The following CTNS variants were observed in gnomAD, a reference collection of about 807,000 sequenced individuals.
CTNS encodes the protein cystinosin.
In CTNS, 27 loss-of-function variants were observed where a neutral mutation model predicts 43.7. The observed-to-expected ratio is 0.62, with a 90% CI of 0.46 to 0.85. The LOEUF is 0.85. Ranked by LOEUF, CTNS falls within the 40% of genes least tolerant of loss-of-function variation. The pLI is 0.00. For synonymous variants in CTNS, 187 were observed against 190.6 expected, an observed-to-expected ratio of 0.98 and a Z score of 0.16; for missense variants, 457 against 475.4, an observed-to-expected ratio of 0.96 and a Z score of 0.36.
chr17:3,658,321 G>T, intron 10 of CTNS, 146 bp downstream of exon 10: 1 of 1,135,804 alleles, frequency 8.8e-7, no homozygotes, highest in Admixed American at 2.0e-5. Flanking sequence ...GCGGGAGCGG[G>T]GCGGTGGGGA....
Position 3,647,485 on chromosome 17 carries a change from G to A in CTNS, c.103G>A (p.Glu35Lys). The A allele has an allele frequency of 6.2e-7, 1 of 1,614,182 alleles. No individual in the cohort carries two copies. Among genetic ancestry groups the A allele is most frequent in the South Asian group, 1.1e-5 (1 of 91,086 alleles). Residue 35 changes from glutamate (E) to lysine (K), a missense_variant, in exon 4 of 12, where the codon GAG (glutamate) becomes AAG (lysine). Glu to Lys is a moderately conservative substitution (Grantham distance 56). Coordinates refer to ENST00000046640, the MANE Select transcript of CTNS (RefSeq NM_004937.3). Reference protein sequence around the residue: ...SLTVPPVVKLENGSSTNVSLT... With the variant: ...SLTVPPVVKLKNGSSTNVSLT... ...CACTGTTCCTCCTGTCGTAAAGCTGGAGAACGGCAGCTCGACCAACGTCAG... is the reference window on the plus strand; with the variant it reads ...CACTGTTCCTCCTGTCGTAAAGCTGAAGAACGGCAGCTCGACCAACGTCAG...
intron 5 of CTNS, among the ~76,000 whole-genome samples, chr17:3,649,977 C>T (rs544860619): frequency 1.3e-5 from 2 of 152,278 alleles, no homozygotes; most frequent in East Asian, 1.9e-4. Context: ...GTTCCCACCA[C>T]AGCTGGGTGC....
intron 5 of CTNS, among the ~76,000 whole-genome samples, chr17:3,651,608 G>A (rs1247479734): frequency 1.3e-5 from 2 of 152,106 alleles, no homozygotes; most frequent in East Asian, 1.9e-4. Context: ...TCAGTCTGTA[G>A]ACATTTCATC....
intron 3 of CTNS, among the ~76,000 whole-genome samples, chr17:3,646,701 C>T (rs893589976): frequency 3.3e-5 from 5 of 152,070 alleles, no homozygotes; most frequent in Admixed American, 6.5e-5. Flanking sequence ...CCTCCCAAAG[C>T]GCCAGGTTTC....
intron 2 of CTNS, among the ~76,000 whole-genome samples, chr17:3,638,743 C>T (rs955845262): frequency 3.3e-5 from 5 of 152,140 alleles, no homozygotes; most frequent in African/African-American, 1.2e-4. Context: ...AAACTGAATC[C>T]TGAACTTGAG....
At chr17:3,642,251 C>T (rs976862107) in intron 3 of CTNS, among the ~76,000 whole-genome samples, 4 of 151,686 alleles carry the variant, frequency 2.6e-5, no homozygotes, top group Non-Finnish European at 5.9e-5. Flanking sequence ...CCAGCTACCA[C>T]CACTCCAGTT....
intron 7 of CTNS, 46 bp downstream of exon 7, chr17:3,655,398 A>T: frequency 6.2e-7 from 1 of 1,612,154 alleles, no homozygotes; most frequent in African/African-American, 1.3e-5. Context: ...GGCCCCTAGG[A>T]GCAGGGCGTT....
chr17:3,660,897 T>C lies in CTNS; in HGVS notation c.*528T>C. On this transcript the variant is annotated 3_prime_UTR_variant, in exon 12 of 12. Coordinates refer to ENST00000046640, the MANE Select transcript of CTNS (RefSeq NM_004937.3). ...TTCTCTGAAGGCCACTTTCCTGACG[T>C]ACTCTCTGTACATAACTCAGCGTCC... The C allele has an allele frequency of 9.7e-7, 1 of 1,026,716 alleles. No homozygotes were observed. The highest frequency in any genetic ancestry group is 2.9e-4 in the Middle Eastern group (1 of 3,394). 63.6% of individuals were successfully genotyped at this position (1,026,716 alleles called of 1,614,324 possible).
At chr17:3,653,461 T>A (rs1367671739) in intron 5 of CTNS, among the ~76,000 whole-genome samples, 1 of 152,112 alleles carries the variant, frequency 6.6e-6, no homozygotes, top group Non-Finnish European at 1.5e-5. Flanking sequence ...AGCCAGATCC[T>A]CACGGTACCT....
intron 5 of CTNS, 137 bp downstream of exon 5, chr17:3,649,068 G>A (rs2075912200): frequency 2.6e-6 from 2 of 767,762 alleles, no homozygotes; most frequent in Non-Finnish European, 4.6e-6. Flanking sequence ...GGCTTTGTTG[G>A]TGTCTTTTGG....
Position 3,657,960 on chromosome 17 carries a change from T to C in CTNS, c.682-45T>C, listed in dbSNP as rs577815563. 64 of 1,600,820 alleles carry C rather than the reference T, an allele frequency of 4.0e-5. No homozygotes were observed. In the East Asian group the frequency reaches 1.2e-3, roughly 29 times the overall value. Reference sequence around the variant, plus strand: ...GGGCCGTCCTTGCTCAGCCCCGGCGTGGCCTCTGTGTGGGTCCACATCTCT... The same window carrying C: ...GGGCCGTCCTTGCTCAGCCCCGGCGCGGCCTCTGTGTGGGTCCACATCTCT... On this transcript the variant is annotated intron_variant, in intron 9 of 11. Coordinates refer to ENST00000046640, the MANE Select transcript of CTNS (RefSeq NM_004937.3).
At chr17:3,657,880 C>A in intron 9 of CTNS, 125 bp from the exon 10 acceptor site, 1 of 1,047,338 alleles carries the variant, frequency 9.5e-7, no homozygotes, top group South Asian at 1.3e-5. Flanking sequence ...CTTGCAGGGG[C>A]TCCTTCAAGG....
At chr17:3,645,937 G>T (rs2075831565) in intron 3 of CTNS, among the ~76,000 whole-genome samples, 1 of 149,676 alleles carries the variant, frequency 6.7e-6, no homozygotes, top group South Asian at 2.1e-4. Context: ...GCCTTTGAGG[G>T]GTCTGAGTGA....
At chr17:3,659,821 A>C (rs1597664469) in intron 10 of CTNS, 37 bp from the exon 11 acceptor site, 4 of 1,534,234 alleles carry the variant, frequency 2.6e-6, no homozygotes, top group Non-Finnish European at 3.6e-6. Context: ...CCCAGCCCTC[A>C]CCGCCCTCCG....
chr17:3,649,010 G>C (rs1322249040), intron 5 of CTNS, 79 bp downstream of exon 5: 2 of 1,231,706 alleles, frequency 1.6e-6, no homozygotes, highest in Non-Finnish European at 2.4e-6. Flanking sequence ...GGTGGAAACA[G>C]GTCTCCTAGG....
In CTNS at chr17:3,660,333, G is replaced by A. The variant is rs773998116; in HGVS notation, c.1068G>A (p.Leu356=). Residue 356 remains leucine, a synonymous_variant, in exon 12 of 12, where the codon TTG becomes TTA. Coordinates refer to ENST00000046640, the MANE Select transcript of CTNS (RefSeq NM_004937.3). ...DVVFFIQHFC[L]YRKRPGYDQL... ...TCTTCTTCATCCAGCACTTCTGTTTGTACAGAAAGAGACCGGGGTATGACC... is the reference window on the plus strand; with the variant it reads ...TCTTCTTCATCCAGCACTTCTGTTTATACAGAAAGAGACCGGGGTATGACC... The A allele has an allele frequency of 1.2e-6, 2 of 1,614,238 alleles. No individual in the cohort carries two copies. Among genetic ancestry groups the A allele is most frequent in the Non-Finnish European group, 1.7e-6 (2 of 1,180,038 alleles).
chr17:3,654,878 G>A, intron 5 of CTNS, 120 bp from the exon 6 acceptor site: 1 of 805,554 alleles, frequency 1.2e-6, no homozygotes, highest in South Asian at 1.3e-5. Flanking sequence ...TAAGCTCTTG[G>A]AAGGTGAGGC....
chr17:3,657,908 T>A (rs957455691), intron 9 of CTNS, 97 bp from the exon 10 acceptor site: 59 of 1,417,000 alleles, frequency 4.2e-5, no homozygotes, highest in Non-Finnish European at 5.7e-5. Context: ...CCAGCCTCCG[T>A]GCCCCTCTCT....
chr17:3,661,417 A>AGGGGG lies in CTNS; in HGVS notation c.*1052_*1053insGGGGG, dbSNP rs71379527. On this transcript the variant is annotated 3_prime_UTR_variant, in exon 12 of 12. Transcript: ENST00000046640. ...CCAAAGCTGTCCTTCCTATGGCAGG[A>AGGGGG]GGGGTGGGGGTCCCAGGACGTGCCT... The AGGGGG allele has an allele frequency of 5.3e-5, 8 of 151,466 alleles. No individual in the cohort carries two copies. Among genetic ancestry groups the AGGGGG allele is most frequent in the African/African-American group, 2.0e-4 (8 of 40,430 alleles). 9.4% of individuals were successfully genotyped at this position (151,466 alleles called of 1,614,324 possible).
Sources: allele counts gnomAD v4.1 joint callset (sites outside exome capture counted in the v4.1 genomes callset), GRCh38; gene constraint gnomAD v4.1.1; transcripts MANE v1.5; gene names NCBI Gene and HGNC (gene_info 2026-07-23, HGNC 2026-07-21).